XPO5: variants seen among roughly 807,000 people sequenced by gnomAD.
The protein encoded by XPO5 is exportin-5.
XPO5 carries 46 observed loss-of-function variants against 160.6 expected under a neutral mutation model. That is an observed-to-expected ratio of 0.29 (90% CI 0.23 to 0.37). XPO5 has a LOEUF of 0.37. Ranked by LOEUF, XPO5 falls within the 10% of genes least tolerant of loss-of-function variation. The probability of loss-of-function intolerance (pLI) is 1.00; values close to 1 mark genes in which losing one functional copy is unlikely to be tolerated. For missense variants in XPO5, 1,090 were observed against 1,463.9 expected (o/e 0.74, Z 4.17); for synonymous variants, 537 against 519.3 (o/e 1.03, Z -0.46).
rs369499320 is a variant in XPO5 at position 43,525,312 on chromosome 6, TC to T, written c.3067-99del. ...GAGCCGGAGGGTTTTTTTTTTTTCC[TC>T]CCCCCCTCTAAAGATGGGTTTGTTT... is the stretch of plus-strand genomic sequence containing the variant. On this transcript the variant is annotated intron_variant, in intron 28 of 31. Transcript: ENST00000265351. 73 of 1,038,650 alleles carry T rather than the reference TC, an allele frequency of 7.0e-5. 1 individual carries two copies. In the African/African-American group the frequency reaches 8.8e-4, roughly 13 times the overall value. The allele number at this position is 1,038,650 out of a possible 1,614,324, so 64.3% of individuals were successfully genotyped here.
At position 43,560,289 on chromosome 6, in the gene XPO5, T is replaced by G; in HGVS notation, c.1110A>C (p.Ser370=). The change falls in exon 11 of 32, where the codon TCA becomes TCC. Residue 370 remains serine (S), a synonymous_variant. Transcript: ENST00000265351. ...TTHPSQFLRS[S]TQMTWGALFR... ...AGAGGGCTCCCCAAGTCATCTGAGT[T>G]GAAGAGCGTAGAAACTAAAGAGAAA... The G allele has an allele frequency of 6.2e-7, 1 of 1,610,654 alleles. No homozygotes were observed. Among genetic ancestry groups the G allele is most frequent in the South Asian group, 1.1e-5 (1 of 90,346 alleles).
intron 14 of XPO5, 147 bp downstream of exon 14, chr6:43,553,226 C>T: frequency 9.8e-7 from 1 of 1,020,844 alleles, no homozygotes; most frequent in Non-Finnish European, 1.3e-6. Flanking sequence ...TGCTTGAGCC[C>T]AGGAGTTGGA....
At chr6:43,561,110 T>C (rs1561882969) in intron 9 of XPO5, 103 bp from the exon 10 acceptor site, 3 of 1,008,290 alleles carry the variant, frequency 3.0e-6, no homozygotes, top group South Asian at 1.4e-5. Flanking sequence ...TCAAAAAATG[T>C]TGTTTCAAAA....
intron 28 of XPO5, 95 bp downstream of exon 28, chr6:43,525,744 C>T: frequency 1.5e-6 from 2 of 1,337,496 alleles, no homozygotes; most frequent in Middle Eastern, 1.9e-4. Context: ...AGGAGTATTA[C>T]AAAAAACTCT....
chr6:43,537,306 T>C (rs916431649), intron 20 of XPO5, among the ~76,000 whole-genome samples: 2 of 152,184 alleles, frequency 1.3e-5, no homozygotes, highest in Non-Finnish European at 2.9e-5. Flanking sequence ...CTGTCATAGA[T>C]CAACCTGTAA....
At chr6:43,552,944 T>C (rs952256644) in intron 14 of XPO5, among the ~76,000 whole-genome samples, 1 of 152,210 alleles carries the variant, frequency 6.6e-6, no homozygotes, top group Non-Finnish European at 1.5e-5. Flanking sequence ...CTGTTTGAAC[T>C]TGAGTATGCT....
chr6:43,540,261 C>T (rs903145510), intron 20 of XPO5, among the ~76,000 whole-genome samples: 5 of 152,132 alleles, frequency 3.3e-5, no homozygotes, highest in Non-Finnish European at 7.3e-5. Flanking sequence ...GGGCGGATCA[C>T]GAGGTCAGGA....
chr6:43,534,282 CA>C (rs1446420106), intron 20 of XPO5, among the ~76,000 whole-genome samples: 1 of 152,132 alleles, frequency 6.6e-6, no homozygotes, highest in African/African-American at 2.4e-5. Flanking sequence ...AGCTAGAAAG[CA>C]AAATTCTTTT....
At chr6:43,531,733 T>C (rs1258568145) in intron 21 of XPO5, among the ~76,000 whole-genome samples, 158 bp from the exon 22 acceptor site, 1 of 152,136 alleles carries the variant, frequency 6.6e-6, no homozygotes, top group Admixed American at 6.5e-5. Context: ...TGCACTCTTT[T>C]GGTAGGAGAA....
In XPO5 at chr6:43,575,858, T is replaced by C. The variant is rs1763292043; in HGVS notation, c.7A>G (p.Met3Val). MA[M>V]DQVNALCEQL... ...TCGCACAGCGCGTTTACTTGATCCA[T>C]CGCCATGCCTAGCGCCACGCGCCGA... The change falls in exon 1 of 32, where the codon ATG becomes GTG. Residue 3 changes from methionine (M) to valine (V), a missense_variant. Met to Val is a conservative substitution (Grantham distance 21). Around this residue, in one of 3 missense-constraint regions of XPO5, gnomAD observed 170 missense variants for 227.0 expected, o/e 0.75. Coordinates refer to ENST00000265351, the MANE Select transcript of XPO5 (RefSeq NM_020750.3). 1.9e-6 allele frequency: 3 copies of C among 1,613,620 alleles called. No homozygotes were observed. The highest frequency in any genetic ancestry group is 8.5e-7 in the Non-Finnish European group (1 of 1,179,694).
Position 43,524,539 on chromosome 6 carries a change from A to C in XPO5, c.3409T>G (p.Ser1137Ala). Residue 1137 changes from serine to alanine, a missense_variant, in exon 31 of 32, where the codon TCC (serine) becomes GCC (alanine). This residue lies in a region of XPO5 where 810 missense variants were observed against 1,139.0 expected (regional missense o/e 0.71). Transcript: ENST00000265351. ...DQFDCKLLNP[S>A]LQKVADKRRK... ...CGCTTGTCAGCCACTTTCTGCAGGGAGGGGTTTAAAAGCTTGCAGTCAAAC... is the reference window on the plus strand; with the variant it reads ...CGCTTGTCAGCCACTTTCTGCAGGGCGGGGTTTAAAAGCTTGCAGTCAAAC... The C allele has an allele frequency of 1.2e-6, 2 of 1,613,876 alleles. No individual in the cohort carries two copies. Among genetic ancestry groups the C allele is most frequent in the African/African-American group, 2.7e-5 (2 of 74,994 alleles).
chr6:43,566,672 T>C, intron 7 of XPO5: 1 of 422,192 alleles, frequency 2.4e-6, no homozygotes, highest in Non-Finnish European at 4.8e-6. Context: ...CAGTCGGGCA[T>C]GGTGGCGTGT....
At chr6:43,534,890 T>C (rs1794220565) in intron 20 of XPO5, among the ~76,000 whole-genome samples, 1 of 151,930 alleles carries the variant, frequency 6.6e-6, no homozygotes, top group Non-Finnish European at 1.5e-5. Context: ...CCCAGTTACT[T>C]GGGAGGCTAA....
At chr6:43,536,740 A>G (rs1305934556) in intron 20 of XPO5, among the ~76,000 whole-genome samples, 1 of 129,628 alleles carries the variant, frequency 7.7e-6, no homozygotes. Flanking sequence ...AGCCTGGACG[A>G]CAGAGTGAGA....
intron 20 of XPO5, among the ~76,000 whole-genome samples, chr6:43,541,840 C>T (rs1251437131): frequency 6.6e-5 from 10 of 152,036 alleles, no homozygotes; most frequent in African/African-American, 1.7e-4. Flanking sequence ...TGCAGTGGCA[C>T]GATCTTAGCT....
At chr6:43,557,653 T>A (rs1762168998) in intron 12 of XPO5, among the ~76,000 whole-genome samples, 1 of 151,404 alleles carries the variant, frequency 6.6e-6, no homozygotes, top group Non-Finnish European at 1.5e-5. Context: ...ATTTTTGGGG[T>A]GATGAAAATA....
At chr6:43,565,590 A>T in intron 8 of XPO5, 70 bp downstream of exon 8, 1 of 1,338,782 alleles carries the variant, frequency 7.5e-7, no homozygotes, top group Non-Finnish European at 1.0e-6. Flanking sequence ...AAAGAACTTC[A>T]GATAAATCCA....
intron 20 of XPO5, among the ~76,000 whole-genome samples, chr6:43,545,017 C>T (rs1794896036): frequency 1.3e-5 from 2 of 152,068 alleles, no homozygotes; most frequent in South Asian, 4.1e-4. Context: ...GGATTACAGG[C>T]ATGTGCCACC....
At chr6:43,553,608 C>A in intron 13 of XPO5, 105 bp from the exon 14 acceptor site, 1 of 1,448,722 alleles carries the variant, frequency 6.9e-7, no homozygotes, top group South Asian at 1.4e-5. Context: ...TTAGAGAACA[C>A]CTGAGAATTT....
Sources: gnomAD v4.1 joint callset for allele counts (sites outside exome capture counted in the v4.1 genomes callset) on GRCh38, gnomAD v4.1.1 for gene constraint, gnomAD v4.1.1 regional missense constraint, MANE v1.5 for transcripts, NCBI Gene and HGNC (gene_info 2026-07-23, HGNC 2026-07-21) for gene names.